The following TRPC5 variants were observed in gnomAD, a reference collection of about 807,000 sequenced individuals.
The protein encoded by TRPC5 is short transient receptor potential channel 5.
Under a neutral mutation model 56.5 loss-of-function variants are expected in TRPC5, and 9 were observed. That is an observed-to-expected ratio of 0.16 (90% CI 0.10 to 0.28). The LOEUF is 0.28. TRPC5 is among the 10% of genes least tolerant of loss of function. TRPC5 has a pLI of 1.00. For synonymous variants in TRPC5, 282 were observed against 278.5 expected (o/e 1.01, Z -0.13); for missense variants, 469 against 748.9 (o/e 0.63, Z 4.36).
intron 1 of TRPC5, among the ~76,000 whole-genome samples, chrX:111,957,571 T>C (rs1468845701): frequency 9.0e-6 from 1 of 111,246 alleles, no homozygotes; most frequent in East Asian, 2.8e-4. Context: ...TAGTAAGTGG[T>C]GGGAATGGGA....
intron 3 of TRPC5, among the ~76,000 whole-genome samples, chrX:111,894,586 G>A (rs935570024): frequency 3.6e-5 from 4 of 111,450 alleles, no homozygotes; most frequent in African/African-American, 9.8e-5. Flanking sequence ...ACAGGCCAAA[G>A]GGACACTGCC....
At chrX:111,950,130 C>G (rs1228869554) in intron 2 of TRPC5, among the ~76,000 whole-genome samples, 1 of 111,166 alleles carries the variant, frequency 9.0e-6, no homozygotes, top group East Asian at 2.8e-4. Context: ...CAAGAACATC[C>G]TGGCTAACAC....
intron 7 of TRPC5, among the ~76,000 whole-genome samples, chrX:111,809,044 G>T (rs1013157909): frequency 5.5e-5 from 6 of 109,398 alleles, no homozygotes; most frequent in African/African-American, 1.7e-4. Context: ...AAGTCTTCTT[G>T]TTTCTTCCCT....
At chrX:111,816,323 G>A (rs1333604719) in intron 7 of TRPC5, among the ~76,000 whole-genome samples, 2 of 111,969 alleles carry the variant, frequency 1.8e-5, no homozygotes, top group Admixed American at 9.5e-5. Flanking sequence ...CCAACCACGA[G>A]CATTTAGTAT....
intron 1 of TRPC5, among the ~76,000 whole-genome samples, chrX:111,995,820 G>A (rs1233304955): frequency 9.0e-6 from 1 of 111,028 alleles, no homozygotes; most frequent in Non-Finnish European, 1.9e-5. Flanking sequence ...GATGGGTGGT[G>A]ATATCCCCTT....
intron 1 of TRPC5, among the ~76,000 whole-genome samples, chrX:111,996,446 A>G (rs189319108): frequency 1.6e-3 from 180 of 112,112 alleles, no homozygotes; most frequent in African/African-American, 5.3e-3. Context: ...GGTGCTGAGA[A>G]GAATGTATAT....
chrX:111,912,565 A>G lies in TRPC5; in HGVS notation c.626T>C (p.Ile209Thr), dbSNP rs1206451193. The G allele has an allele frequency of 8.3e-7, 1 of 1,209,623 alleles. No homozygotes were observed. Among genetic ancestry groups the G allele is most frequent in the Non-Finnish European group, 1.1e-6 (1 of 895,205 alleles). The change falls in exon 3 of 11, where the codon ATT becomes ACT. Residue 209 changes from isoleucine (I) to threonine (T), a missense_variant. Ile to Thr is a moderately conservative substitution (Grantham distance 89, BLOSUM62 -1). Around this residue, in one of 3 missense-constraint regions of TRPC5, gnomAD observed 157 missense variants for 360.0 expected, o/e 0.44. Transcript: ENST00000262839. ...GATGGGGTCCTCACTTGATAAGGCA[A>G]TGAGTGAGGGGCTTGCCAGAGCCTT... ...IYKALASPSL[I>T]ALSSEDPILT...
At chrX:111,958,348 A>G (rs1326073204) in intron 1 of TRPC5, among the ~76,000 whole-genome samples, 3 of 111,962 alleles carry the variant, frequency 2.7e-5, no homozygotes. Context: ...ATTTGAATTG[A>G]CTACATTTTT....
Position 111,819,493 on chromosome X carries a change from G to A in TRPC5, c.1896+15428C>T, listed in dbSNP as rs145980732. Reference sequence around the variant, plus strand: ...CCTGTGTCTTTCCACTGGGGAGTGAGGGAACCATAATGTAAGAATGGTGGT... The same window carrying A: ...CCTGTGTCTTTCCACTGGGGAGTGAAGGAACCATAATGTAAGAATGGTGGT... On this transcript the variant is annotated intron_variant, in intron 7 of 10. Coordinates refer to ENST00000262839, the MANE Select transcript of TRPC5 (RefSeq NM_012471.3). Among the ~76,000 whole-genome samples the A allele has an allele frequency of 5.3e-3, 584 of 111,109 alleles. 3 individuals are homozygous for A. The highest frequency in any genetic ancestry group is 0.018 in the African/African-American group (554 of 30,531).
At position 111,952,455 on chromosome X, in the gene TRPC5, CAG is replaced by C; in HGVS notation, c.-21-16_-21-15del. 8.5e-7 allele frequency: 1 copy of C among 1,171,357 alleles called. No homozygotes were observed. Among genetic ancestry groups the C allele is most frequent in the Non-Finnish European group, 1.1e-6 (1 of 874,863 alleles). ...CAATGCAGAAATCTGAGTGAGGAAA[CAG>C]AGAAAGACCAAAATATCCTTAGATA... On this transcript the variant is annotated splice_polypyrimidine_tract_variant and intron_variant, in intron 1 of 10. Transcript: ENST00000262839.
chrX:111,784,241 A>G (rs1945942487), intron 7 of TRPC5, among the ~76,000 whole-genome samples: 1 of 112,331 alleles, frequency 8.9e-6, no homozygotes, highest in Admixed American at 9.5e-5. Context: ...GGATAAAACA[A>G]CGATTTCTTA....
chrX:111,800,571 C>A (rs1161237813), intron 7 of TRPC5, among the ~76,000 whole-genome samples: 2 of 110,607 alleles, frequency 1.8e-5, no homozygotes, highest in Non-Finnish European at 3.8e-5. Context: ...TCGAGACCAG[C>A]CTGGCCAACA....
At chrX:111,982,267 G>A (rs976592422) in intron 1 of TRPC5, among the ~76,000 whole-genome samples, 16 of 111,874 alleles carry the variant, frequency 1.4e-4, no homozygotes, top group African/African-American at 1.9e-4. Flanking sequence ...GAAGAAATAC[G>A]CATGATAATT....
chrX:112,066,947 C>T (rs149851708), intron 1 of TRPC5, among the ~76,000 whole-genome samples: 4,249 of 111,739 alleles, frequency 0.038, 155 homozygotes, highest in African/African-American at 0.12. Context: ...AGAAGGAAAT[C>T]GTGAGAATGG....
At chrX:111,980,979 T>TTATATG (rs895563547) in intron 1 of TRPC5, among the ~76,000 whole-genome samples, 7 of 105,576 alleles carry the variant, frequency 6.6e-5, no homozygotes, top group Non-Finnish European at 1.4e-4. Flanking sequence ...ATACATAAAT[T>TTATATG]TATATGTATA....
At chrX:112,009,211 G>A (rs1162909173) in intron 1 of TRPC5, among the ~76,000 whole-genome samples, 1 of 111,791 alleles carries the variant, frequency 8.9e-6, no homozygotes, top group Non-Finnish European at 1.9e-5. Flanking sequence ...CATGTGTCAC[G>A]TTTGAGTTGG....
intron 1 of TRPC5, among the ~76,000 whole-genome samples, chrX:111,997,461 T>C (rs1321334215): frequency 9.0e-6 from 1 of 111,194 alleles, no homozygotes; most frequent in Non-Finnish European, 1.9e-5. Context: ...CTGACAATTA[T>C]ATGTCTTGGG....
intron 1 of TRPC5, among the ~76,000 whole-genome samples, chrX:111,979,603 G>C (rs775980585): frequency 1.8e-5 from 2 of 111,252 alleles, no homozygotes; most frequent in South Asian, 7.4e-4. Flanking sequence ...AACATATAAA[G>C]ACTCTTAAAA....
intron 2 of TRPC5, among the ~76,000 whole-genome samples, chrX:111,944,328 G>A (rs1306636417): frequency 9.3e-6 from 1 of 107,730 alleles, no homozygotes; most frequent in Non-Finnish European, 1.9e-5. Context: ...GAGAGAGAGA[G>A]AGAGAGAGAG....
Sources: gnomAD v4.1 joint callset for allele counts (sites outside exome capture counted in the v4.1 genomes callset) on GRCh38, gnomAD v4.1.1 for gene constraint, gnomAD v4.1.1 regional missense constraint, MANE v1.5 for transcripts, NCBI Gene and HGNC (gene_info 2026-07-23, HGNC 2026-07-21) for gene names.